ATP8A2: variants seen among roughly 807,000 people sequenced by gnomAD.
ATP8A2 encodes the protein phospholipid-transporting ATPase IB.
A neutral mutation model predicts 165.6 loss-of-function variants in ATP8A2; 100 were observed. The ratio of observed to expected loss-of-function variants is 0.60; its 90% CI spans 0.51 to 0.71. The LOEUF (loss-of-function observed/expected upper bound fraction) is 0.71, where lower values mean the gene tolerates loss of function less well. ATP8A2 is among the 30% of genes least tolerant of loss of function. The pLI, the probability that ATP8A2 is intolerant of heterozygous loss-of-function variation, is 0.00. For missense variants in ATP8A2, 1,227 were observed against 1,479.5 expected (o/e 0.83, Z 2.80); for synonymous variants, 543 against 548.8 (o/e 0.99, Z 0.15).
chr13:25,619,057 G>A (rs990501683), intron 24 of ATP8A2, among the ~76,000 whole-genome samples: 4 of 152,062 alleles, frequency 2.6e-5, no homozygotes, highest in African/African-American at 7.2e-5. Context: ...TTTTTCTAGC[G>A]TTGAAGAAAG....
chr13:25,572,702 G>A (rs1221747028), intron 18 of ATP8A2, among the ~76,000 whole-genome samples: 1 of 152,148 alleles, frequency 6.6e-6, no homozygotes, highest in Non-Finnish European at 1.5e-5. Context: ...TTGATGATAA[G>A]GGTCTGGGGC....
At chr13:25,534,769 C>A (rs1428213701) in intron 6 of ATP8A2, among the ~76,000 whole-genome samples, 3 of 152,234 alleles carry the variant, frequency 2.0e-5, no homozygotes, top group Admixed American at 6.5e-5. Flanking sequence ...AAGCTCAGCG[C>A]TTCCCTTAAG....
At chr13:25,510,891 G>A (rs139388155) in intron 2 of ATP8A2, among the ~76,000 whole-genome samples, 1 of 152,298 alleles carries the variant, frequency 6.6e-6, no homozygotes, top group African/African-American at 2.4e-5. Flanking sequence ...AACAACACAT[G>A]TAGGTAGCTA....
chr13:25,902,832 G>A (rs1438184165), intron 33 of ATP8A2, among the ~76,000 whole-genome samples: 2 of 152,050 alleles, frequency 1.3e-5, no homozygotes, highest in Admixed American at 6.6e-5. Flanking sequence ...CGCTGGTTGA[G>A]TGAATTTCCA....
chr13:25,687,914 T>C (rs1359923413), intron 24 of ATP8A2, among the ~76,000 whole-genome samples: 1 of 152,116 alleles, frequency 6.6e-6, no homozygotes, highest in Non-Finnish European at 1.5e-5. Context: ...AATTCAAGTA[T>C]GCTATTTCTA....
chr13:25,705,206 C>A lies in ATP8A2; in HGVS notation c.2384+5861C>A, dbSNP rs746030602. 3 of 428,192 alleles carry A rather than the reference C, an allele frequency of 7.0e-6. 1 individual carries two copies. The highest frequency in any genetic ancestry group is 5.1e-5 in the South Asian group (3 of 58,810). The allele number at this position is 428,192 out of a possible 1,614,324, so 26.5% of individuals were successfully genotyped here. Reference sequence around the variant, plus strand: ...ATGGAGATAAATTCTCTAGCACAGACTACCAGGGGAGAGGACTTTGACCTC... The same window carrying A: ...ATGGAGATAAATTCTCTAGCACAGAATACCAGGGGAGAGGACTTTGACCTC... On this transcript the variant is annotated intron_variant, in intron 25 of 36. Transcript: ENST00000381655.
In ATP8A2 at chr13:25,372,170, T is replaced by G. The variant is rs1349583399; in HGVS notation, c.-43T>G. ...CCTGCGCCCAGCCCTGCGCGTAGCCTCCGTCTCTCGCCCGGGGCCGCCGAG... is the reference window on the plus strand; with the variant it reads ...CCTGCGCCCAGCCCTGCGCGTAGCCGCCGTCTCTCGCCCGGGGCCGCCGAG... On this transcript the variant is annotated 5_prime_UTR_variant, in exon 1 of 37. Transcript: ENST00000381655. This position sits in a 1 kb window ranked among gnomAD's most constrained non-coding sequence, Gnocchi z 4.8. The G allele has an allele frequency of 3.6e-6, 5 of 1,372,030 alleles. No homozygotes were observed. The highest frequency in any genetic ancestry group is 4.8e-6 in the Non-Finnish European group (5 of 1,041,152). 85.0% of individuals were successfully genotyped at this position (1,372,030 alleles called of 1,614,324 possible). A position where few individuals can be genotyped will look rare whatever the true frequency, so the allele number is the denominator to read the frequency against.
chr13:26,012,279 G>A (rs1472250083), intron 35 of ATP8A2, among the ~76,000 whole-genome samples: 1 of 152,166 alleles, frequency 6.6e-6, no homozygotes, highest in Non-Finnish European at 1.5e-5. Flanking sequence ...TATGGACCGG[G>A]CACATGCACA....
intron 15 of ATP8A2, among the ~76,000 whole-genome samples, chr13:25,563,643 A>T (rs1221521637): frequency 6.6e-6 from 1 of 152,146 alleles, no homozygotes; most frequent in Non-Finnish European, 1.5e-5. Flanking sequence ...TCTCTGGTGG[A>T]AGTGACTCGG....
chr13:25,613,663 G>A (rs917325759), intron 24 of ATP8A2, among the ~76,000 whole-genome samples: 2 of 152,058 alleles, frequency 1.3e-5, no homozygotes, highest in African/African-American at 4.8e-5. Context: ...GCATTTTTTT[G>A]TCTGAAAAAG....
intron 26 of ATP8A2, among the ~76,000 whole-genome samples, chr13:25,774,100 GT>G (rs1394838250): frequency 1.3e-5 from 2 of 151,852 alleles, no homozygotes; most frequent in Non-Finnish European, 2.9e-5. Flanking sequence ...GCTCACCTTT[GT>G]TTAATAATTA....
intron 27 of ATP8A2, among the ~76,000 whole-genome samples, chr13:25,824,219 T>C (rs557497545): frequency 1.3e-3 from 204 of 152,238 alleles, no homozygotes; most frequent in African/African-American, 4.6e-3. Flanking sequence ...TGATCCACCC[T>C]CCTTGGCCTC....
In ATP8A2 at chr13:25,589,626, C is replaced by T; in HGVS notation, c.2147-9C>T. 6.2e-7 allele frequency: 1 copy of T among 1,604,910 alleles called. No homozygotes were observed. The highest frequency in any genetic ancestry group is 8.5e-7 in the Non-Finnish European group (1 of 1,172,428). On this transcript the variant is annotated splice_polypyrimidine_tract_variant and intron_variant, in intron 23 of 36. Coordinates refer to ENST00000381655, the MANE Select transcript of ATP8A2 (RefSeq NM_016529.6). ...AGAAATTCACATGTTGTCTCTTCCT[C>T]CACTTCAGGGTATTCCTGCCGATTG...
intron 33 of ATP8A2, among the ~76,000 whole-genome samples, chr13:25,872,576 C>T (rs1952708015): frequency 1.3e-5 from 2 of 152,106 alleles, no homozygotes; most frequent in African/African-American, 4.8e-5. Context: ...AGCTTCTTTA[C>T]CCAAGGAAAA....
At chr13:25,677,945 G>T (rs764645122) in intron 24 of ATP8A2, among the ~76,000 whole-genome samples, 1 of 152,140 alleles carries the variant, frequency 6.6e-6, no homozygotes, top group Non-Finnish European at 1.5e-5. Flanking sequence ...ATGAGAGGGG[G>T]TGGGGGATAT....
At chr13:25,449,580 G>A (rs78636671) in intron 1 of ATP8A2, among the ~76,000 whole-genome samples, 1,538 of 152,288 alleles carry the variant, frequency 0.01, 32 homozygotes, top group African/African-American at 0.034. Context: ...GGGCTTCAGA[G>A]TCTTGCTCAC....
At chr13:25,861,840 T>G (rs189638771) in intron 32 of ATP8A2, among the ~76,000 whole-genome samples, 7 of 152,322 alleles carry the variant, frequency 4.6e-5, no homozygotes, top group African/African-American at 9.6e-5. Context: ...TAAGAGGCAA[T>G]ATCCATTTCA....
At chr13:26,009,178 C>T (rs1377874863) in intron 35 of ATP8A2, among the ~76,000 whole-genome samples, 1 of 152,124 alleles carries the variant, frequency 6.6e-6, no homozygotes, top group Non-Finnish European at 1.5e-5. Context: ...CTGACATTTG[C>T]AGGACTTGGT....
intron 33 of ATP8A2, among the ~76,000 whole-genome samples, chr13:25,943,848 C>T (rs950253875): frequency 6.6e-6 from 1 of 152,140 alleles, no homozygotes; most frequent in African/African-American, 2.4e-5. Context: ...AACTGAGCAC[C>T]AAGATGTAGC....
Sources: allele counts gnomAD v4.1 joint callset (sites outside exome capture counted in the v4.1 genomes callset), GRCh38; gene constraint gnomAD v4.1.1; non-coding constraint Gnocchi (gnomAD v3.1); transcripts MANE v1.5; gene names NCBI Gene and HGNC (gene_info 2026-07-23, HGNC 2026-07-21).